The following PCSK2 variants were observed in gnomAD, a reference collection of about 807,000 sequenced individuals.
PCSK2 encodes proprotein convertase subtilisin/kexin type 2.
In PCSK2, 14 loss-of-function variants were observed where a neutral mutation model predicts 69.7. The observed-to-expected ratio is 0.20, with a 90% CI of 0.13 to 0.31. The LOEUF (loss-of-function observed/expected upper bound fraction) is 0.31, where lower values mean the gene tolerates loss of function less well. PCSK2 is among the 10% of genes least tolerant of loss of function. The pLI is 1.00. For missense variants in PCSK2, 544 were observed against 842.5 expected, an observed-to-expected ratio of 0.65 and a Z score of 4.39; for synonymous variants, 307 against 320.7, an observed-to-expected ratio of 0.96 and a Z score of 0.46.
At chr20:17,410,244 T>C (rs115336773) in intron 6 of PCSK2, among the ~76,000 whole-genome samples, 15 of 152,318 alleles carry the variant, frequency 9.8e-5, no homozygotes, top group African/African-American at 3.4e-4. Context: ...GGTCAAACAG[T>C]TAAAATTCAA....
At chr20:17,313,766 A>C (rs775655054) in intron 2 of PCSK2, among the ~76,000 whole-genome samples, 1 of 152,198 alleles carries the variant, frequency 6.6e-6, no homozygotes, top group Non-Finnish European at 1.5e-5. Context: ...GAAGGACGAC[A>C]TGAATGTTGA....
intron 1 of PCSK2, among the ~76,000 whole-genome samples, chr20:17,254,753 A>G (rs1004893896): frequency 1.3e-5 from 2 of 152,228 alleles, no homozygotes; most frequent in Non-Finnish European, 2.9e-5. Context: ...AAGTAATTGT[A>G]TAGAATTTAC....
At chr20:17,275,162 C>G (rs1452207361) in intron 2 of PCSK2, among the ~76,000 whole-genome samples, 1 of 149,998 alleles carries the variant, frequency 6.7e-6, no homozygotes, top group Non-Finnish European at 1.5e-5. Context: ...GAGTCCCTTT[C>G]TTGTTTAAAT....
rs73255664 is a variant in PCSK2 at position 17,366,033 on chromosome 20, G to A, written c.506-3207G>A. Among the ~76,000 whole-genome samples, 446 of 152,286 alleles carry A rather than the reference G, an allele frequency of 2.9e-3. 3 individuals are homozygous for A. Among genetic ancestry groups the A allele is most frequent in the African/African-American group, 0.01 (428 of 41,552 alleles). ...AGTCCCACCCCCACAGCTCCACTGG[G>A]CTTTGTCTTAGTGGGGGTTTTCTAT... On this transcript the variant is annotated intron_variant, in intron 4 of 11. Transcript: ENST00000262545.
At chr20:17,292,154 G>C (rs1332302270) in intron 2 of PCSK2, among the ~76,000 whole-genome samples, 2 of 152,090 alleles carry the variant, frequency 1.3e-5, no homozygotes, top group Non-Finnish European at 2.9e-5. Flanking sequence ...CCCATATCTT[G>C]ATCTTTTTAT....
At chr20:17,344,957 C>CG (rs1555789731) in intron 2 of PCSK2, among the ~76,000 whole-genome samples, 19 of 1,246 alleles carry the variant, frequency 0.015, no homozygotes, top group African/African-American at 0.031. Context: ...CTTCCTCGAA[C>CG]AATCTCAACC....
Position 17,290,887 on chromosome 20 carries a change from C to T in PCSK2, c.282+30543C>T, listed in dbSNP as rs138242130. Among the ~76,000 whole-genome samples, 931 of 152,148 alleles carry T rather than the reference C, an allele frequency of 6.1e-3. 8 individuals are homozygous for T. The highest frequency in any genetic ancestry group is 0.011 in the Non-Finnish European group (754 of 67,990). On this transcript the variant is annotated intron_variant, in intron 2 of 11. Coordinates refer to ENST00000262545, the MANE Select transcript of PCSK2 (RefSeq NM_002594.5). ...AAGGGCAAGCAAGCATGTGAGATAG[C>T]GAGAGGAAACGGGGACCAAACTATA...
chr20:17,380,613 C>G (rs969084234), intron 5 of PCSK2, among the ~76,000 whole-genome samples: 2 of 152,116 alleles, frequency 1.3e-5, no homozygotes, highest in African/African-American at 4.8e-5. Flanking sequence ...ACACAAGGCC[C>G]TTAGAACTGC....
intron 6 of PCSK2, among the ~76,000 whole-genome samples, chr20:17,425,695 C>A (rs1469472569): frequency 6.6e-6 from 1 of 152,188 alleles, no homozygotes; most frequent in Non-Finnish European, 1.5e-5. Flanking sequence ...ACCCACCAGT[C>A]CATCTCTGTG....
At chr20:17,246,783 T>C (rs947616372) in intron 1 of PCSK2, among the ~76,000 whole-genome samples, 2 of 151,500 alleles carry the variant, frequency 1.3e-5, no homozygotes, top group African/African-American at 4.9e-5. Flanking sequence ...GTTTCACTGA[T>C]GATAAATAAT....
chr20:17,398,396 C>T (rs910693180), intron 5 of PCSK2, among the ~76,000 whole-genome samples: 24 of 151,716 alleles, frequency 1.6e-4, no homozygotes, highest in African/African-American at 3.9e-4. Context: ...TGATGGCACA[C>T]GCCTGTAGTT....
intron 2 of PCSK2, among the ~76,000 whole-genome samples, chr20:17,340,893 T>C (rs1021607102): frequency 6.6e-6 from 1 of 152,204 alleles, no homozygotes; most frequent in African/African-American, 2.4e-5. Flanking sequence ...GATCTGTCCA[T>C]TAACTAAGTC....
rs748773029 is a variant in PCSK2, at chr20:17,429,531, A to C, written c.709+8A>C. The C allele has an allele frequency of 2.5e-6, 4 of 1,596,198 alleles. No homozygotes were observed. Among genetic ancestry groups the C allele is most frequent in the Non-Finnish European group, 3.4e-6 (4 of 1,164,064 alleles). ...ACAACTCCAAGGTTGCAGGTAAGCC[A>C]TCCCTGCCAAACAGAGGCCCCCACT... On this transcript the variant is annotated splice_region_variant and intron_variant, in intron 7 of 11. Transcript: ENST00000262545.
intron 2 of PCSK2, among the ~76,000 whole-genome samples, chr20:17,342,622 A>C (rs75814554): frequency 6.5e-4 from 98 of 150,992 alleles, no homozygotes; most frequent in African/African-American, 2.4e-3. Flanking sequence ...CTCGCCTATA[A>C]AGCTCTTTAA....
chr20:17,307,116 G>A (rs1367143539), intron 2 of PCSK2, among the ~76,000 whole-genome samples: 1 of 152,250 alleles, frequency 6.6e-6, no homozygotes, highest in East Asian at 1.9e-4. Context: ...AGCATGCAGA[G>A]TTATTTCACA....
At chr20:17,400,999 G>A (rs2031624439) in intron 5 of PCSK2, among the ~76,000 whole-genome samples, 1 of 152,150 alleles carries the variant, frequency 6.6e-6, no homozygotes, top group South Asian at 2.1e-4. Context: ...TCATTCATAT[G>A]GAAGAATATC....
rs572610413 is a variant in PCSK2 at position 17,460,734 on chromosome 20, G to C, written c.1202+4286G>C. Among the ~76,000 whole-genome samples, 6 of 152,178 alleles carry C rather than the reference G, an allele frequency of 3.9e-5. No individual in the cohort carries two copies. In the South Asian group the frequency reaches 1.0e-3, roughly 26 times the overall value. ...TGAATATGCCTTAAAGCTGAAAAAC[G>C]TTCATTTACATACTTTTAAATATTG... On this transcript the variant is annotated intron_variant, in intron 10 of 11. Transcript: ENST00000262545.
chr20:17,406,889 A>C (rs1049790446), intron 5 of PCSK2, among the ~76,000 whole-genome samples: 3 of 152,050 alleles, frequency 2.0e-5, no homozygotes, highest in African/African-American at 7.2e-5. Flanking sequence ...AGATTCATAC[A>C]GCCTTCCAGA....
intron 2 of PCSK2, among the ~76,000 whole-genome samples, chr20:17,347,128 G>T (rs1350726762): frequency 6.6e-6 from 1 of 152,138 alleles, no homozygotes; most frequent in Non-Finnish European, 1.5e-5. Flanking sequence ...CTAAATGAGG[G>T]CAATCAATAC....
Sources: gnomAD v4.1 joint callset for allele counts (sites outside exome capture counted in the v4.1 genomes callset) on GRCh38, gnomAD v4.1.1 for gene constraint, MANE v1.5 for transcripts, NCBI Gene and HGNC (gene_info 2026-07-23, HGNC 2026-07-21) for gene names.